The following PAX2 variants were observed in gnomAD, a reference collection of about 807,000 sequenced individuals.
PAX2 encodes paired box protein Pax-2.
A neutral mutation model predicts 41.7 loss-of-function variants in PAX2; 9 were observed. That is an observed-to-expected ratio of 0.22 (90% CI 0.13 to 0.38). PAX2 has a LOEUF of 0.38. Ranked by LOEUF, PAX2 falls within the 10% of genes least tolerant of loss-of-function variation. The pLI is 1.00. For synonymous variants in PAX2, 221 were observed against 212.7 expected, an observed-to-expected ratio of 1.04 and a Z score of -0.34; for missense variants, 418 against 531.6, an observed-to-expected ratio of 0.79 and a Z score of 2.10.
At chr10:100,781,825 C>T (rs1346014801) in intron 5 of PAX2, among the ~76,000 whole-genome samples, 1 of 152,146 alleles carries the variant, frequency 6.6e-6, no homozygotes, top group Non-Finnish European at 1.5e-5. Context: ...CAGTTCAAAC[C>T]TCACAGGGAG....
chr10:100,803,830 C>G (rs537902108), intron 5 of PAX2, among the ~76,000 whole-genome samples: 3 of 152,108 alleles, frequency 2.0e-5, no homozygotes, highest in East Asian at 1.9e-4. Context: ...TTTCCCTCCC[C>G]CTTCCCCTCC....
At chr10:100,796,528 C>G (rs970047707) in intron 5 of PAX2, among the ~76,000 whole-genome samples, 8 of 152,138 alleles carry the variant, frequency 5.3e-5, no homozygotes, top group African/African-American at 1.9e-4. Flanking sequence ...CACCCCTCCC[C>G]CACTCCCACT....
intron 3 of PAX2, among the ~76,000 whole-genome samples, chr10:100,772,635 CA>C (rs1846256529): frequency 6.6e-6 from 1 of 152,176 alleles, no homozygotes; most frequent in Non-Finnish European, 1.5e-5. Context: ...CTCCCCATAC[CA>C]GGGATTAAAT....
At chr10:100,825,080 C>A in intron 8 of PAX2, 2 of 959,544 alleles carry the variant, frequency 2.1e-6, no homozygotes, top group Non-Finnish European at 3.4e-6. Flanking sequence ...CCCACCCCAG[C>A]CAGCTGACAC....
chr10:100,759,638 A>G (rs1845764814), intron 3 of PAX2, among the ~76,000 whole-genome samples: 1 of 152,158 alleles, frequency 6.6e-6, no homozygotes, highest in African/African-American at 2.4e-5. Flanking sequence ...TGGGAACAGA[A>G]CAAGCCAGGG....
chr10:100,753,171 C>G (rs1193539557), intron 3 of PAX2, among the ~76,000 whole-genome samples: 1 of 152,120 alleles, frequency 6.6e-6, no homozygotes, highest in Non-Finnish European at 1.5e-5. Context: ...ACCCTGGGTC[C>G]GTAGTTAGGC....
chr10:100,749,585 C>T (rs1845355547), intron 1 of PAX2, 161 bp from the exon 2 acceptor site: 2 of 1,427,966 alleles, frequency 1.4e-6, no homozygotes, highest in African/African-American at 1.4e-5. Flanking sequence ...AGTCCCCACT[C>T]CTCCGCGTGG....
chr10:100,820,222 C>T (rs4919501), intron 7 of PAX2, among the ~76,000 whole-genome samples: 10,206 of 152,218 alleles, frequency 0.067, 502 homozygotes, highest in African/African-American at 0.13. Context: ...GACTTCTTTT[C>T]CTTTTCTTTG....
chr10:100,749,144 A>G, intron 1 of PAX2: 1 of 985,766 alleles, frequency 1.0e-6, no homozygotes, highest in South Asian at 4.7e-5. Context: ...CAAACAACAC[A>G]GGAAAGAGGT....
chr10:100,769,030 A>G (rs941798312), intron 3 of PAX2, among the ~76,000 whole-genome samples: 2 of 152,252 alleles, frequency 1.3e-5, no homozygotes, highest in Admixed American at 6.5e-5. Context: ...ATTCAGGCCT[A>G]GCCTCTCATA....
chr10:100,795,370 A>G (rs1041785899), intron 5 of PAX2, among the ~76,000 whole-genome samples: 1 of 152,300 alleles, frequency 6.6e-6, no homozygotes, highest in Middle Eastern at 3.4e-3. Context: ...TATAATCAGA[A>G]TGTGATGAAT....
At chr10:100,787,621 G>T (rs939513090) in intron 5 of PAX2, among the ~76,000 whole-genome samples, 3 of 151,974 alleles carry the variant, frequency 2.0e-5, no homozygotes, top group African/African-American at 7.3e-5. Flanking sequence ...TTTTCCCAAC[G>T]CTGGGCAGGG....
chr10:100,807,414 A>C (rs1217065691), intron 6 of PAX2, among the ~76,000 whole-genome samples: 2 of 149,810 alleles, frequency 1.3e-5, no homozygotes, highest in Non-Finnish European at 3.0e-5. Context: ...AGCCCACGGT[A>C]CTGTGCTCAC....
rs192851638 is a variant in PAX2 at position 100,746,015 on chromosome 10, C to T, written c.-246C>T. The T allele has an allele frequency of 1.5e-3, 2,071 of 1,395,024 alleles. 20 individuals are homozygous for T. In the African/African-American group the frequency reaches 0.026, roughly 18 times the overall value. The allele number at this position is 1,395,024 out of a possible 1,614,324, so 86.4% of individuals were successfully genotyped here. A position where few individuals can be genotyped will look rare whatever the true frequency, so the allele number is the denominator to read the frequency against. On this transcript the variant is annotated 5_prime_UTR_variant, in exon 1 of 10. Coordinates refer to ENST00000355243, the MANE Select transcript of PAX2 (RefSeq NM_000278.5). ...ACCGCCCCGGGGCCATTCTGCTGACCGCCCAGCCCCGAGCCCCGACAGTGG... is the reference window on the plus strand; with the variant it reads ...ACCGCCCCGGGGCCATTCTGCTGACTGCCCAGCCCCGAGCCCCGACAGTGG...
In PAX2 at chr10:100,791,075, C is replaced by T. The variant is rs1237402194; in HGVS notation, c.616+9710C>T. ...ACGGAGGCCTGGCCTTCCCTCCCTC[C>T]CATTCTTGGAGCCCTGTGGCCCATC... On this transcript the variant is annotated intron_variant, in intron 5 of 9. Coordinates refer to ENST00000355243, the MANE Select transcript of PAX2 (RefSeq NM_000278.5). This position sits in a 1 kb window ranked among gnomAD's most constrained non-coding sequence, Gnocchi z 4.5. 6.6e-6 allele frequency among the ~76,000 whole-genome samples: 1 copy of T among 152,240 alleles called. No homozygotes were observed. Among genetic ancestry groups the T allele is most frequent in the African/African-American group, 2.4e-5 (1 of 41,464 alleles).
At chr10:100,744,104 G>A (rs572518222), upstream of PAX2, among the ~76,000 whole-genome samples, 7 of 152,366 alleles carry the variant, frequency 4.6e-5, no homozygotes, top group East Asian at 7.7e-4. Flanking sequence ...AAGACGCCCA[G>A]TAGTAGTAGT....
chr10:100,800,715 T>C (rs1180288769), intron 5 of PAX2, among the ~76,000 whole-genome samples: 1 of 152,110 alleles, frequency 6.6e-6, no homozygotes, highest in Non-Finnish European at 1.5e-5. Flanking sequence ...ACTGGACAAC[T>C]CCATTCATGA....
rs1331317812 is a variant in PAX2, at chr10:100,806,561, T to C, written c.748T>C (p.Tyr250His). The change falls in exon 6 of 10, where the codon TAC becomes CAC. Residue 250 changes from tyrosine to histidine, a missense_variant. Tyr to His is a moderately conservative substitution (Grantham distance 83). Around this residue, in one of 2 missense-constraint regions of PAX2, gnomAD observed 310 missense variants for 325.2 expected, o/e 0.95. Coordinates refer to ENST00000355243, the MANE Select transcript of PAX2 (RefSeq NM_000278.5). ...GGATCGGGTCTTTGAGCGTCCTTCC[T>C]ACCCTGACGTCTTCCAGGCATCAGA... ...ALDRVFERPS[Y>H]PDVFQASEHI... is the part of the protein sequence containing the mutation. 1 of 1,614,076 alleles carries C rather than the reference T, an allele frequency of 6.2e-7. No individual in the cohort carries two copies. Among genetic ancestry groups the C allele is most frequent in the Non-Finnish European group, 8.5e-7 (1 of 1,180,046 alleles).
chr10:100,808,475 T>C (rs745440263), intron 6 of PAX2, among the ~76,000 whole-genome samples: 39 of 152,186 alleles, frequency 2.6e-4, no homozygotes, highest in Admixed American at 2.0e-3. Context: ...GGGTCTGGCT[T>C]GGCCGTGGCT....
Sources: gnomAD v4.1 joint callset for allele counts (sites outside exome capture counted in the v4.1 genomes callset) on GRCh38, gnomAD v4.1.1 for gene constraint, gnomAD v4.1.1 regional missense constraint, Gnocchi (gnomAD v3.1) non-coding constraint, MANE v1.5 for transcripts, NCBI Gene and HGNC (gene_info 2026-07-23, HGNC 2026-07-21) for gene names.